The following EPHA6 variants were observed in gnomAD, a reference collection of about 807,000 sequenced individuals.
EPHA6 encodes the protein ephrin type-A receptor 6.
In EPHA6, 50 loss-of-function variants were observed where a neutral mutation model predicts 112.0. That is an observed-to-expected ratio of 0.45 (90% CI 0.36 to 0.56). The LOEUF (loss-of-function observed/expected upper bound fraction) is 0.56, where lower values mean the gene tolerates loss of function less well. EPHA6 is among the 20% of genes least tolerant of loss of function. The pLI is 0.00. For synonymous variants in EPHA6, 529 were observed against 490.7 expected (o/e 1.08, Z -1.03); for missense variants, 1,280 against 1,417.4 (o/e 0.90, Z 1.56).
At chr3:97,580,314 C>T (rs895694234) in intron 11 of EPHA6, among the ~76,000 whole-genome samples, 1 of 152,142 alleles carries the variant, frequency 6.6e-6, no homozygotes, top group Admixed American at 6.5e-5. Flanking sequence ...GCAAACTACT[C>T]AAATTTACAT....
intron 2 of EPHA6, among the ~76,000 whole-genome samples, chr3:96,943,010 A>T (rs1247170480): frequency 2.0e-5 from 3 of 151,972 alleles, no homozygotes; most frequent in Non-Finnish European, 4.4e-5. Flanking sequence ...ATTATCCACC[A>T]CCAGCCTCTG....
chr3:97,079,711 A>C (rs1264081157), intron 3 of EPHA6, among the ~76,000 whole-genome samples: 1 of 151,972 alleles, frequency 6.6e-6, no homozygotes, highest in Non-Finnish European at 1.5e-5. Flanking sequence ...TGAATACTAC[A>C]AAGAAATTTT....
chr3:97,027,928 A>G (rs1413048105), intron 3 of EPHA6, among the ~76,000 whole-genome samples: 1 of 152,132 alleles, frequency 6.6e-6, no homozygotes. Context: ...ACTTACTCCA[A>G]ATTCCCGTAT....
intron 2 of EPHA6, among the ~76,000 whole-genome samples, chr3:96,926,107 C>T (rs2040021802): frequency 6.6e-6 from 1 of 152,022 alleles, no homozygotes; most frequent in Non-Finnish European, 1.5e-5. Context: ...CTCACAGTTC[C>T]ACATGGGTAG....
chr3:97,414,285 A>G (rs2087947482), intron 6 of EPHA6, among the ~76,000 whole-genome samples: 1 of 152,034 alleles, frequency 6.6e-6, no homozygotes. Context: ...CTAAACACTG[A>G]GGCATTCCCC....
At chr3:97,056,081 C>G (rs72918267) in intron 3 of EPHA6, among the ~76,000 whole-genome samples, 4,590 of 152,156 alleles carry the variant, frequency 0.03, 203 homozygotes, top group African/African-American at 0.098. Context: ...ACCATCATTC[C>G]AGTACCTTGA....
At chr3:96,852,312 G>C (rs2035440879) in intron 1 of EPHA6, among the ~76,000 whole-genome samples, 1 of 151,962 alleles carries the variant, frequency 6.6e-6, no homozygotes, top group South Asian at 2.1e-4. Flanking sequence ...TGGCCAACAT[G>C]GTAAAACCCC....
chr3:97,073,564 C>T (rs952406061), intron 3 of EPHA6, among the ~76,000 whole-genome samples: 3 of 152,060 alleles, frequency 2.0e-5, no homozygotes, highest in Non-Finnish European at 4.4e-5. Context: ...CTGTGGCAAT[C>T]AGTTATTTAA....
chr3:97,398,407 T>C (rs889425452), intron 5 of EPHA6, among the ~76,000 whole-genome samples: 2 of 151,484 alleles, frequency 1.3e-5, no homozygotes, highest in African/African-American at 4.8e-5. Flanking sequence ...TTCAAGAACA[T>C]TAATGCAGCT....
intron 10 of EPHA6, among the ~76,000 whole-genome samples, chr3:97,518,132 A>G (rs375094775): frequency 1.7e-4 from 26 of 152,268 alleles, no homozygotes; most frequent in African/African-American, 6.3e-4. Context: ...GATGGATCAT[A>G]TAGTAATTCT....
intron 16 of EPHA6, among the ~76,000 whole-genome samples, chr3:97,744,277 A>G (rs1392824403): frequency 6.6e-6 from 1 of 152,046 alleles, no homozygotes; most frequent in Non-Finnish European, 1.5e-5. Flanking sequence ...AGTACTCACT[A>G]ATCACCAAAT....
rs1012152184 is a variant in EPHA6 at position 97,758,550 on chromosome 3, T to C, written c.*9849T>C. On this transcript the variant is annotated 3_prime_UTR_variant, in exon 18 of 18. Transcript: ENST00000389672. ...TCCTGTTCGAAGCACTGAGGATACA[T>C]GGTGACCAAGACAAGCAAAGTCCCT... is the stretch of plus-strand genomic sequence containing the variant. Among the ~76,000 whole-genome samples the C allele has an allele frequency of 6.6e-6, 1 of 151,960 alleles. No homozygotes were observed. The highest frequency in any genetic ancestry group is 1.5e-5 in the Non-Finnish European group (1 of 67,874).
At chr3:96,890,203 C>A (rs1283292687) in intron 2 of EPHA6, among the ~76,000 whole-genome samples, 1 of 151,412 alleles carries the variant, frequency 6.6e-6, no homozygotes, top group Non-Finnish European at 1.5e-5. Context: ...TAAAAGAAAC[C>A]AGTAAGAACA....
chr3:96,980,021 G>T (rs1016670947), intron 2 of EPHA6, among the ~76,000 whole-genome samples: 1 of 152,006 alleles, frequency 6.6e-6, no homozygotes, highest in South Asian at 2.1e-4. Context: ...CTCTGATGGT[G>T]GTTTCTTTTG....
chr3:97,672,724 T>A lies in EPHA6; in HGVS notation c.2784+34642T>A, dbSNP rs541918398. ...GAGGAAATAATCCCTTTGAACATAT[T>A]GGAATGAGTTCTTCTTAAACGCTCT... On this transcript the variant is annotated intron_variant, in intron 14 of 17. Transcript: ENST00000389672. Among the ~76,000 whole-genome samples the A allele has an allele frequency of 1.1e-4, 16 of 152,276 alleles. No individual in the cohort carries two copies. The South Asian group carries it at 1.9e-3, about 18-fold the overall frequency.
At chr3:97,554,669 C>T (rs528796934) in intron 11 of EPHA6, among the ~76,000 whole-genome samples, 24 of 152,044 alleles carry the variant, frequency 1.6e-4, no homozygotes, top group African/African-American at 4.1e-4. Context: ...CTATCCCGTC[C>T]GCCCAACCTC....
At chr3:97,711,011 C>T (rs1177929909) in intron 14 of EPHA6, among the ~76,000 whole-genome samples, 3 of 152,176 alleles carry the variant, frequency 2.0e-5, no homozygotes, top group Non-Finnish European at 2.9e-5. Flanking sequence ...GTGTATCAGT[C>T]AGCGATATGG....
chr3:96,843,037 G>A (rs1348061712), intron 1 of EPHA6, among the ~76,000 whole-genome samples: 1 of 151,974 alleles, frequency 6.6e-6, no homozygotes, highest in Admixed American at 6.6e-5. Flanking sequence ...TTTCTTCATA[G>A]CAGAATTCAT....
intron 11 of EPHA6, among the ~76,000 whole-genome samples, chr3:97,550,497 A>G (rs550312842): frequency 7.2e-5 from 11 of 152,328 alleles, no homozygotes; most frequent in Admixed American, 5.2e-4. Flanking sequence ...CAACTAATGA[A>G]TCAAGGAGTT....
Sources: gnomAD v4.1 joint callset for allele counts (sites outside exome capture counted in the v4.1 genomes callset) on GRCh38, gnomAD v4.1.1 for gene constraint, MANE v1.5 for transcripts, NCBI Gene and HGNC (gene_info 2026-07-23, HGNC 2026-07-21) for gene names.